The following PDZD2 variants were observed in gnomAD, a reference collection of about 807,000 sequenced individuals.
PDZD2 encodes PDZ domain-containing protein 2.
PDZD2 carries 90 observed loss-of-function variants against 220.7 expected under a neutral mutation model. The observed-to-expected ratio is 0.41, with a 90% CI of 0.34 to 0.49. The LOEUF is 0.49. PDZD2 is among the 20% of genes least tolerant of loss of function. PDZD2 has a pLI of 0.28. For missense variants in PDZD2, 3,174 were observed against 3,608.5 expected (o/e 0.88, Z 3.08); for synonymous variants, 1,375 against 1,450.5 (o/e 0.95, Z 1.18).
intron 8 of PDZD2, among the ~76,000 whole-genome samples, chr5:32,050,424 C>T (rs1738419797): frequency 6.6e-6 from 1 of 152,132 alleles, no homozygotes. Context: ...GAGTTTTTCC[C>T]TCTCTTTTCA....
chr5:31,804,040 G>T (rs562646351), intron 2 of PDZD2, among the ~76,000 whole-genome samples: 1 of 132,528 alleles, frequency 7.5e-6, no homozygotes, highest in Admixed American at 7.8e-5. Flanking sequence ...AAGACCCTGC[G>T]TCCAAAAAAA....
At position 32,108,306 on chromosome 5, in the gene PDZD2, T is replaced by C. The variant is rs1483910640; in HGVS notation, c.*171T>C. ...GACTTAACTGTATGTGCAACAGCAA[T>C]GAAATTAACTCCAGAAGCCTTCCAC... is the stretch of plus-strand genomic sequence containing the variant. On this transcript the variant is annotated 3_prime_UTR_variant, in exon 25 of 25. Transcript: ENST00000438447. The C allele has an allele frequency of 6.4e-6, 3 of 465,264 alleles. No homozygotes were observed. The highest frequency in any genetic ancestry group is 3.3e-5 in the East Asian group (1 of 30,054). 28.8% of individuals were successfully genotyped at this position (465,264 alleles called of 1,614,324 possible). A position where few individuals can be genotyped will look rare whatever the true frequency, so the allele number is the denominator to read the frequency against.
At position 31,762,329 on chromosome 5, in the gene PDZD2, G is replaced by A. The variant is rs1008277610; in HGVS notation, c.-360-36560G>A. Among the ~76,000 whole-genome samples, 3 of 152,210 alleles carry A rather than the reference G, an allele frequency of 2.0e-5. No individual in the cohort carries two copies. The East Asian group carries it at 5.8e-4, about 29-fold the overall frequency. On this transcript the variant is annotated intron_variant, in intron 1 of 24. Transcript: ENST00000438447. Reference sequence around the variant, plus strand: ...ACCAAGTTTCACTCTTGTAGCCCAGGCTGGAGTGAGTGCAATGGCACGATT... The same window carrying A: ...ACCAAGTTTCACTCTTGTAGCCCAGACTGGAGTGAGTGCAATGGCACGATT...
intron 4 of PDZD2, among the ~76,000 whole-genome samples, chr5:31,998,555 A>G (rs1232280550): frequency 6.6e-6 from 1 of 152,152 alleles, no homozygotes; most frequent in African/African-American, 2.4e-5. Flanking sequence ...ACTGGAGACA[A>G]ACGGAGCTTC....
At chr5:32,011,488 G>A (rs185130946) in intron 6 of PDZD2, among the ~76,000 whole-genome samples, 309 of 152,240 alleles carry the variant, frequency 2.0e-3, no homozygotes, top group Non-Finnish European at 3.6e-3. Context: ...TACAGAGCAA[G>A]ACCCTGTCTC....
rs1743571840 is a variant in PDZD2 at position 31,915,180 on chromosome 5, G to A, written c.477-67975G>A. Reference sequence around the variant, plus strand: ...ACCAGATGCCACCTACCCTCCTGATGCCTACTTTCCAATTGGAGAAGCATC... The same window carrying A: ...ACCAGATGCCACCTACCCTCCTGATACCTACTTTCCAATTGGAGAAGCATC... On this transcript the variant is annotated intron_variant, in intron 2 of 24. Transcript: ENST00000438447. 2.6e-5 allele frequency among the ~76,000 whole-genome samples: 4 copies of A among 152,260 alleles called. No homozygotes were observed. The South Asian group carries it at 8.3e-4, about 32-fold the overall frequency.
chr5:31,735,682 C>T (rs1749817698), intron 1 of PDZD2, among the ~76,000 whole-genome samples: 1 of 152,152 alleles, frequency 6.6e-6, no homozygotes, highest in Non-Finnish European at 1.5e-5. Context: ...CTCAGTGGCT[C>T]ACCCCTGTAA....
chr5:32,062,393 ATTTT>A (rs35709661), intron 14 of PDZD2, among the ~76,000 whole-genome samples: 1 of 141,254 alleles, frequency 7.1e-6, no homozygotes. Flanking sequence ...TCAAGACTAA[ATTTT>A]TTTTTTTTTT....
chr5:31,895,742 A>C (rs1465768450), intron 2 of PDZD2, among the ~76,000 whole-genome samples: 2 of 152,024 alleles, frequency 1.3e-5, no homozygotes, highest in African/African-American at 4.8e-5. Flanking sequence ...TCCCTCATGA[A>C]GGCGCCTCTA....
intron 2 of PDZD2, among the ~76,000 whole-genome samples, chr5:31,815,581 C>T (rs1218207123): frequency 2.0e-5 from 3 of 152,066 alleles, no homozygotes; most frequent in Admixed American, 6.6e-5. Flanking sequence ...TTAATGTTAA[C>T]GCTGGTCTGT....
At chr5:31,750,682 A>G (rs1417405850) in intron 1 of PDZD2, among the ~76,000 whole-genome samples, 1 of 152,116 alleles carries the variant, frequency 6.6e-6, no homozygotes, top group Non-Finnish European at 1.5e-5. Context: ...AGCAACTGCA[A>G]AGGGCCTGAG....
intron 3 of PDZD2, among the ~76,000 whole-genome samples, chr5:31,991,390 C>T (rs1751197849): frequency 6.6e-6 from 1 of 152,130 alleles, no homozygotes; most frequent in African/African-American, 2.4e-5. Flanking sequence ...GTAGACTCTA[C>T]AGATGGTGCT....
chr5:31,721,565 A>T (rs1184832954), intron 1 of PDZD2, among the ~76,000 whole-genome samples: 1 of 150,646 alleles, frequency 6.6e-6, no homozygotes, highest in Non-Finnish European at 1.5e-5. Flanking sequence ...ACTAATAAGG[A>T]AAGGAAAGGA....
intron 2 of PDZD2, chr5:31,855,029 G>A: frequency 2.0e-6 from 2 of 985,370 alleles, no homozygotes; most frequent in Non-Finnish European, 2.4e-6. Flanking sequence ...CGGGCCGCCT[G>A]CAGGTGATTA....
intron 1 of PDZD2, among the ~76,000 whole-genome samples, chr5:31,727,024 AGGGTGG>A (rs1278432674): frequency 2.0e-5 from 3 of 151,952 alleles, no homozygotes; most frequent in Non-Finnish European, 4.4e-5. Context: ...AGAGAGAGAA[AGGGTGG>A]GGGTGCCACA....
At chr5:31,725,738 T>G in intron 1 of PDZD2, 1 of 908,196 alleles carries the variant, frequency 1.1e-6, no homozygotes, top group South Asian at 1.4e-5. Flanking sequence ...GCAACGTGAT[T>G]TAGCCTTCAT....
At chr5:31,641,021 G>A (rs897272828) in intron 1 of PDZD2, among the ~76,000 whole-genome samples, 3 of 152,118 alleles carry the variant, frequency 2.0e-5, no homozygotes, top group African/African-American at 7.2e-5. Flanking sequence ...GATTTTGCAT[G>A]TACTTTATGG....
intron 19 of PDZD2, among the ~76,000 whole-genome samples, chr5:32,080,936 G>T (rs946865894): frequency 1.3e-5 from 2 of 152,056 alleles, no homozygotes; most frequent in African/African-American, 4.8e-5. Context: ...GGTGGTGGGG[G>T]GAGGGAGAGC....
intron 5 of PDZD2, among the ~76,000 whole-genome samples, chr5:32,002,530 A>G (rs2112010306): frequency 6.6e-6 from 1 of 152,064 alleles, no homozygotes; most frequent in African/African-American, 2.4e-5. Flanking sequence ...TTGTTTTGCC[A>G]GATGAAGTGG....
Sources: allele counts gnomAD v4.1 joint callset (sites outside exome capture counted in the v4.1 genomes callset), GRCh38; gene constraint gnomAD v4.1.1; transcripts MANE v1.5; gene names NCBI Gene and HGNC (gene_info 2026-07-23, HGNC 2026-07-21).